The following PXK variants were observed in gnomAD, a reference collection of about 807,000 sequenced individuals.
PXK encodes the protein PX domain containing serine/threonine kinase like, also known as PX domain-containing protein kinase-like protein.
A neutral mutation model predicts 84.7 loss-of-function variants in PXK; 35 were observed. That is an observed-to-expected ratio of 0.41 (90% CI 0.32 to 0.55). The LOEUF (loss-of-function observed/expected upper bound fraction) is 0.55. PXK is among the 20% of genes least tolerant of loss of function. The pLI is 0.21. For synonymous variants in PXK, 253 were observed against 260.8 expected (o/e 0.97, Z 0.29); for missense variants, 634 against 699.7 (o/e 0.91, Z 1.06).
intron 1 of PXK, among the ~76,000 whole-genome samples, chr3:58,362,947 C>T (rs1487988560): frequency 6.6e-6 from 1 of 152,148 alleles, no homozygotes; most frequent in Non-Finnish European, 1.5e-5. Flanking sequence ...AACTCCTGAG[C>T]TCAAGTGATC....
chr3:58,408,098 A>G (rs910947396), intron 13 of PXK, among the ~76,000 whole-genome samples: 1 of 152,060 alleles, frequency 6.6e-6, no homozygotes, highest in Non-Finnish European at 1.5e-5. Flanking sequence ...TGGATATCCA[A>G]TTTTCCCAGC....
intron 3 of PXK, among the ~76,000 whole-genome samples, chr3:58,371,276 T>G (rs895087780): frequency 6.6e-6 from 1 of 152,244 alleles, no homozygotes; most frequent in Non-Finnish European, 1.5e-5. Context: ...TTATGGATTT[T>G]AATAGCATCT....
At position 58,409,009 on chromosome 3, in the gene PXK, G is replaced by A; in HGVS notation, c.1308+8G>A. On this transcript the variant is annotated splice_region_variant and intron_variant, in intron 14 of 17. Coordinates refer to ENST00000356151, the MANE Select transcript of PXK (RefSeq NM_017771.5). The surrounding 1 kb of genome is among the most constrained non-coding windows in gnomAD (Gnocchi z 4.2). ...ATTGAGGAACAGAAACAGGTAAATT[G>A]ATAACGGTTCCTCTTTGCCTTTTAG... is the stretch of plus-strand genomic sequence containing the variant. 2 of 1,565,120 alleles carry A rather than the reference G, an allele frequency of 1.3e-6. No homozygotes were observed. The highest frequency in any genetic ancestry group is 3.4e-5 in the Admixed American group (2 of 59,434).
intron 1 of PXK, among the ~76,000 whole-genome samples, chr3:58,342,634 C>CAAAAAAAAAAAAAAAAAAAAAAAA (rs71091369): frequency 1.8e-5 from 2 of 113,462 alleles, no homozygotes; most frequent in African/African-American, 6.5e-5. Flanking sequence ...GACTCTGTCT[C>CAAAAAAAAAAAAAAAAAAAAAAAA]AAAAAAAAAA....
intron 2 of PXK, among the ~76,000 whole-genome samples, chr3:58,366,640 C>G (rs2098276512): frequency 6.6e-6 from 1 of 152,172 alleles, no homozygotes; most frequent in African/African-American, 2.4e-5. Context: ...CCTTAAGCAG[C>G]CTCTTACACA....
chr3:58,336,347 A>G (rs1202012572), intron 1 of PXK, among the ~76,000 whole-genome samples: 13 of 152,270 alleles, frequency 8.5e-5, no homozygotes, highest in Admixed American at 6.5e-5. Flanking sequence ...TGGATGAGCA[A>G]CTGGCAGAAA....
At chr3:58,392,087 A>G (rs1021880763) in intron 7 of PXK, among the ~76,000 whole-genome samples, 2 of 152,242 alleles carry the variant, frequency 1.3e-5, no homozygotes, top group Admixed American at 6.5e-5. Flanking sequence ...TTAAACAAAG[A>G]TGAGAGTAGG....
At chr3:58,368,812 A>G (rs2098320081) in intron 2 of PXK, among the ~76,000 whole-genome samples, 1 of 152,258 alleles carries the variant, frequency 6.6e-6, no homozygotes, top group African/African-American at 2.4e-5. Context: ...TATTTTCTTG[A>G]TCAGGGCCTG....
intron 17 of PXK, among the ~76,000 whole-genome samples, chr3:58,415,748 G>A (rs2060858220): frequency 6.6e-6 from 1 of 152,226 alleles, no homozygotes; most frequent in Admixed American, 6.5e-5. Flanking sequence ...GTGCAAGGAG[G>A]ACCAGGCAGC....
At chr3:58,377,900 A>G (rs1023579635) in intron 3 of PXK, among the ~76,000 whole-genome samples, 2 of 152,206 alleles carry the variant, frequency 1.3e-5, no homozygotes, top group Non-Finnish European at 2.9e-5. Context: ...GTCTCAATTT[A>G]TATCACAGAA....
In PXK at chr3:58,400,483, G is replaced by T. The variant is rs1375755778; in HGVS notation, c.1181+1106G>T. Among the ~76,000 whole-genome samples the T allele has an allele frequency of 1.3e-5, 2 of 152,158 alleles. No homozygotes were observed. Among genetic ancestry groups the T allele is most frequent in the Admixed American group, 6.5e-5 (1 of 15,276 alleles). Reference sequence around the variant, plus strand: ...TTCTTTCCACAAGTGTTTAGAGAGGGCCTTCTGGAGGCCAGCTGCTGTCCT... The same window carrying T: ...TTCTTTCCACAAGTGTTTAGAGAGGTCCTTCTGGAGGCCAGCTGCTGTCCT... On this transcript the variant is annotated intron_variant, in intron 12 of 17. Transcript: ENST00000356151. This position sits in a 1 kb window ranked among gnomAD's most constrained non-coding sequence, Gnocchi z 4.0.
In PXK at chr3:58,364,817, T is replaced by C. The variant is rs1016592156; in HGVS notation, c.103-1057T>C. Among the ~76,000 whole-genome samples, 1 of 152,208 alleles carries C rather than the reference T, an allele frequency of 6.6e-6. No homozygotes were observed. Among genetic ancestry groups the C allele is most frequent in the Non-Finnish European group, 1.5e-5 (1 of 68,042 alleles). ...GGTCCATTTCATCTAAGTTGTCAAATTGATATATGTAGAATCGTTCACAGC... is the reference window on the plus strand; with the variant it reads ...GGTCCATTTCATCTAAGTTGTCAAACTGATATATGTAGAATCGTTCACAGC... On this transcript the variant is annotated intron_variant, in intron 1 of 17. Coordinates refer to ENST00000356151, the MANE Select transcript of PXK (RefSeq NM_017771.5). This position sits in a 1 kb window ranked among gnomAD's most constrained non-coding sequence, Gnocchi z 4.3.
chr3:58,395,124 C>A, intron 8 of PXK, 22 bp downstream of exon 8: 1 of 1,544,896 alleles, frequency 6.5e-7, no homozygotes, highest in Non-Finnish European at 8.9e-7. Flanking sequence ...AGTTCATGGT[C>A]ATAAGGAATT....
At chr3:58,420,144 T>C (rs1278066957) in intron 17 of PXK, among the ~76,000 whole-genome samples, 2 of 152,246 alleles carry the variant, frequency 1.3e-5, no homozygotes, top group African/African-American at 2.4e-5. Flanking sequence ...TGTTTAATAA[T>C]AGAACTAAGC....
rs377439000 is a variant in PXK at position 58,409,015 on chromosome 3, G to T, written c.1308+14G>T. The T allele has an allele frequency of 1.0e-5, 16 of 1,555,504 alleles. No homozygotes were observed. Among genetic ancestry groups the T allele is most frequent in the Non-Finnish European group, 2.7e-6 (3 of 1,128,680 alleles). ...GAACAGAAACAGGTAAATTGATAAC[G>T]GTTCCTCTTTGCCTTTTAGTGTCCC... On this transcript the variant is annotated intron_variant, in intron 14 of 17. Transcript: ENST00000356151. This position sits in a 1 kb window ranked among gnomAD's most constrained non-coding sequence, Gnocchi z 4.2.
chr3:58,420,856 T>A, intron 17 of PXK: 1 of 1,229,924 alleles, frequency 8.1e-7, no homozygotes, highest in Admixed American at 4.1e-5. Flanking sequence ...CATGGCATTT[T>A]GGTATATTTT....
intron 7 of PXK, among the ~76,000 whole-genome samples, chr3:58,392,759 T>A (rs1219940933): frequency 6.6e-6 from 1 of 151,842 alleles, no homozygotes; most frequent in Non-Finnish European, 1.5e-5. Context: ...CCTCCTGGGT[T>A]CAGGCGATTC....
At chr3:58,357,962 C>CT in intron 1 of PXK, among the ~76,000 whole-genome samples, 1 of 143,278 alleles carries the variant, frequency 7.0e-6, no homozygotes, top group Middle Eastern at 3.4e-3. Flanking sequence ...GAGACTCTGT[C>CT]TCAAAACAAA....
In PXK at chr3:58,337,473, A is replaced by G. The variant is rs2097643579; in HGVS notation, c.102+4383A>G. Among the ~76,000 whole-genome samples the G allele has an allele frequency of 2.6e-5, 4 of 151,948 alleles. No homozygotes were observed. In the South Asian group the frequency reaches 8.3e-4, roughly 31 times the overall value. Reference sequence around the variant, plus strand: ...TGGAGCTTTTGTTCTGTTGGATTCCAAGGTCTTTTTTTTTTCATTGTGAGA... The same window carrying G: ...TGGAGCTTTTGTTCTGTTGGATTCCGAGGTCTTTTTTTTTTCATTGTGAGA... On this transcript the variant is annotated intron_variant, in intron 1 of 17. Transcript: ENST00000356151.
Sources: gnomAD v4.1 joint callset for allele counts (sites outside exome capture counted in the v4.1 genomes callset) on GRCh38, gnomAD v4.1.1 for gene constraint, Gnocchi (gnomAD v3.1) non-coding constraint, MANE v1.5 for transcripts, NCBI Gene and HGNC (gene_info 2026-07-23, HGNC 2026-07-21) for gene names.